Variants in FTO observed in about 807,000 individuals in gnomAD.
FTO encodes the protein FTO alpha-ketoglutarate dependent dioxygenase.
A neutral mutation model predicts 63.9 loss-of-function variants in FTO; 47 were observed. The observed-to-expected ratio is 0.74, with a 90% CI of 0.58 to 0.94. The LOEUF (loss-of-function observed/expected upper bound fraction) is 0.94, where lower values mean the gene tolerates loss of function less well. Among genes scored for constraint, FTO ranks in the 40% least tolerant of loss-of-function variants. The pLI, the probability that FTO is intolerant of heterozygous loss-of-function variation, is 0.00. For missense variants in FTO, 562 were observed against 618.1 expected, an observed-to-expected ratio of 0.91 and a Z score of 0.96; for synonymous variants, 207 against 224.4, an observed-to-expected ratio of 0.92 and a Z score of 0.69.
At chr16:54,014,360 G>C (rs1250226617) in intron 8 of FTO, among the ~76,000 whole-genome samples, 1 of 152,028 alleles carries the variant, frequency 6.6e-6, no homozygotes, top group Non-Finnish European at 1.5e-5. Flanking sequence ...GTTTTTGTGA[G>C]AGCTGACTTT....
At chr16:54,092,224 A>G (rs2086403109) in intron 8 of FTO, among the ~76,000 whole-genome samples, 1 of 152,242 alleles carries the variant, frequency 6.6e-6, no homozygotes, top group African/African-American at 2.4e-5. Context: ...TCAAGTCTGC[A>G]GTGCACCATG....
intron 7 of FTO, among the ~76,000 whole-genome samples, chr16:53,915,231 T>C (rs1265837920): frequency 6.6e-6 from 1 of 152,224 alleles, no homozygotes. Flanking sequence ...TGTTTAAAGC[T>C]GCTTAATGTC....
At chr16:53,957,723 A>G (rs2082962784) in intron 8 of FTO, among the ~76,000 whole-genome samples, 1 of 152,254 alleles carries the variant, frequency 6.6e-6, no homozygotes, top group Non-Finnish European at 1.5e-5. Flanking sequence ...AGTAGGAGAA[A>G]TCTCAAATTA....
chr16:53,706,446 G>GC (rs1401622094), intron 1 of FTO, among the ~76,000 whole-genome samples: 1 of 151,930 alleles, frequency 6.6e-6, no homozygotes, highest in East Asian at 1.9e-4. Flanking sequence ...CTCCACCTTG[G>GC]CCCCCAAACA....
At chr16:54,083,268 T>C (rs1411330694) in intron 8 of FTO, among the ~76,000 whole-genome samples, 1 of 152,184 alleles carries the variant, frequency 6.6e-6, no homozygotes, top group Admixed American at 6.5e-5. Context: ...GCCCATTATC[T>C]CCTCACCTCC....
In FTO at chr16:53,789,767, T is replaced by TATATACAC. The variant is rs144269494; in HGVS notation, c.46-20372_46-20371insTATACACA. On this transcript the variant is annotated intron_variant, in intron 1 of 8. Transcript: ENST00000471389. ...TCTGGAACATACATATATATATATA[T>TATATACAC]ACACACACACACACATATATGTATG... Among the ~76,000 whole-genome samples, 43 of 147,716 alleles carry TATATACAC rather than the reference T, an allele frequency of 2.9e-4. 1 individual carries two copies. Among genetic ancestry groups the TATATACAC allele is most frequent in the African/African-American group, 1.1e-3 (43 of 40,296 alleles).
chr16:53,987,602 A>G (rs1222761193), intron 8 of FTO, among the ~76,000 whole-genome samples: 4 of 150,572 alleles, frequency 2.7e-5, no homozygotes, highest in African/African-American at 9.8e-5. Context: ...AAAAAAGAAA[A>G]GAAAAGAAAA....
At chr16:53,737,341 C>A (rs1461642329) in intron 1 of FTO, among the ~76,000 whole-genome samples, 1 of 152,054 alleles carries the variant, frequency 6.6e-6, no homozygotes, top group African/African-American at 2.4e-5. Context: ...TAGGCAGTTT[C>A]ATCATGTGAA....
intron 2 of FTO, among the ~76,000 whole-genome samples, chr16:53,822,891 T>C (rs2078905272): frequency 6.6e-6 from 1 of 152,198 alleles, no homozygotes; most frequent in African/African-American, 2.4e-5. Context: ...ATTCACTCTC[T>C]CTGCATCGTC....
intron 7 of FTO, among the ~76,000 whole-genome samples, chr16:53,926,199 C>A (rs1018680862): frequency 9.9e-5 from 15 of 152,152 alleles, no homozygotes; most frequent in African/African-American, 3.4e-4. Context: ...TTTAAGTAGT[C>A]ACCTACCAAG....
At chr16:53,984,147 C>A (rs2083610091) in intron 8 of FTO, among the ~76,000 whole-genome samples, 1 of 152,008 alleles carries the variant, frequency 6.6e-6, no homozygotes, top group Non-Finnish European at 1.5e-5. Context: ...CAGCTTGTCT[C>A]ATTTATATCA....
chr16:53,893,663 T>G (rs534352929), intron 7 of FTO, among the ~76,000 whole-genome samples: 73 of 145,502 alleles, frequency 5.0e-4, no homozygotes, highest in Middle Eastern at 7.1e-3. Context: ...CTATTGACCT[T>G]AAAAAAAAAA....
intron 1 of FTO, among the ~76,000 whole-genome samples, chr16:53,760,507 A>G (rs1220825566): frequency 6.6e-6 from 1 of 151,766 alleles, no homozygotes; most frequent in East Asian, 1.9e-4. Flanking sequence ...TGGCCTCCCA[A>G]AGTACTGGGA....
At chr16:53,874,418 G>T (rs1404004804) in intron 5 of FTO, among the ~76,000 whole-genome samples, 2 of 152,188 alleles carry the variant, frequency 1.3e-5, no homozygotes, top group Non-Finnish European at 2.9e-5. Context: ...TAGCTGTTCA[G>T]ACTAGTTCAG....
intron 8 of FTO, among the ~76,000 whole-genome samples, chr16:54,015,919 A>G (rs1383381258): frequency 6.6e-6 from 1 of 152,188 alleles, no homozygotes; most frequent in African/African-American, 2.4e-5. Flanking sequence ...CCTGCCTTCC[A>G]CAGATCATTT....
At chr16:53,879,722 G>C in intron 5 of FTO, 122 bp from the exon 6 acceptor site, 1 of 746,322 alleles carries the variant, frequency 1.3e-6, no homozygotes, top group Non-Finnish European at 2.3e-6. Context: ...AAGGAGTATA[G>C]ACTGAGCCAT....
At chr16:53,756,116 A>C (rs764611375) in intron 1 of FTO, among the ~76,000 whole-genome samples, 6 of 152,232 alleles carry the variant, frequency 3.9e-5, no homozygotes, top group Non-Finnish European at 5.9e-5. Flanking sequence ...AAATTAAAAC[A>C]ACCTACAAAA....
intron 3 of FTO, among the ~76,000 whole-genome samples, chr16:53,827,513 G>C (rs2079038509): frequency 6.6e-6 from 1 of 152,000 alleles, no homozygotes. Flanking sequence ...ATTTTTGTTT[G>C]TTGTTGTTAT....
chr16:53,792,053 G>A lies in FTO; in HGVS notation c.46-18087G>A, dbSNP rs539066738. ...ATTGCGCCACTGCACTCCCGCCTGG[G>A]CCACAGAGCGAGACTTCGTCTCAAA... On this transcript the variant is annotated intron_variant, in intron 1 of 8. Coordinates refer to ENST00000471389, the MANE Select transcript of FTO (RefSeq NM_001080432.3). Among the ~76,000 whole-genome samples, 11 of 149,554 alleles carry A rather than the reference G, an allele frequency of 7.4e-5. No individual in the cohort carries two copies. The East Asian group carries it at 9.9e-4, about 13-fold the overall frequency.
Sources: allele counts gnomAD v4.1 joint callset (sites outside exome capture counted in the v4.1 genomes callset), GRCh38; gene constraint gnomAD v4.1.1; transcripts MANE v1.5; gene names NCBI Gene and HGNC (gene_info 2026-07-23, HGNC 2026-07-21).